Variants in ITPA observed in about 807,000 individuals in gnomAD.
ITPA encodes the protein inosine triphosphatase.
Under a neutral mutation model 29.6 loss-of-function variants are expected in ITPA, and 29 were observed. The observed-to-expected ratio is 0.98, with a 90% CI of 0.73 to 1.34. ITPA has a LOEUF of 1.34. Among genes scored for constraint, ITPA ranks in the 40% most tolerant of loss-of-function variants. The pLI is 0.00. For missense variants in ITPA, 241 were observed against 251.5 expected (o/e 0.96, Z 0.28); for synonymous variants, 103 against 99.3 (o/e 1.04, Z -0.22).
upstream of ITPA, chr20:3,209,431 C>A (rs1478019246): frequency 5.4e-6 from 5 of 919,378 alleles, no homozygotes; most frequent in Admixed American, 9.9e-5. The surrounding 1 kb of genome is among the most constrained non-coding windows in gnomAD (Gnocchi z 4.6). Context: ...GGGTCCGGGT[C>A]GGCTTTCCCC....
chr20:3,210,573 G>A (rs2067148186), intron 1 of ITPA, among the ~76,000 whole-genome samples: 1 of 152,144 alleles, frequency 6.6e-6, no homozygotes, highest in African/African-American at 2.4e-5. Flanking sequence ...GTAGTGTAGG[G>A]AGGGACTGAT....
At chr20:3,213,448 T>C in intron 3 of ITPA, 65 bp downstream of exon 3, 1 of 1,591,160 alleles carries the variant, frequency 6.3e-7, no homozygotes, top group Non-Finnish European at 8.6e-7. Flanking sequence ...GGCCTGCGCC[T>C]GCTAGAAACA....
upstream of ITPA, among the ~76,000 whole-genome samples, chr20:3,206,055 CA>C (rs537649838): frequency 4.3e-3 from 254 of 58,830 alleles, no homozygotes; most frequent in East Asian, 4.7e-3. Flanking sequence ...GACTCTGTCT[CA>C]AAAAAAAAAA....
At chr20:3,221,215 T>C (rs913551048) in intron 6 of ITPA, among the ~76,000 whole-genome samples, 7 of 129,946 alleles carry the variant, frequency 5.4e-5, no homozygotes, top group South Asian at 2.2e-4. Flanking sequence ...CTTTTCTTTC[T>C]TTTTTTTTTT....
rs1295569938 is a variant in ITPA, at chr20:3,218,506, C to T, written c.296-11C>T. On this transcript the variant is annotated splice_polypyrimidine_tract_variant and intron_variant, in intron 5 of 7. Transcript: ENST00000380113. ...TTAGGGATGCACTGAGCCCTCACTG[C>T]CCACCCGCAGGTCTCCACCAGCTCC... The T allele has an allele frequency of 4.4e-6, 7 of 1,602,388 alleles. No homozygotes were observed. The highest frequency in any genetic ancestry group is 6.0e-6 in the Non-Finnish European group (7 of 1,169,632).
At chr20:3,209,218 T>C (rs1568505574), upstream of ITPA, 1 of 412,014 alleles carries the variant, frequency 2.4e-6, no homozygotes, top group Non-Finnish European at 4.6e-6. This position sits in a 1 kb window ranked among gnomAD's most constrained non-coding sequence, Gnocchi z 4.6. Context: ...GCTGCAGTCT[T>C]CTCCTTTCGG....
chr20:3,218,206 C>T (rs1332682164), intron 5 of ITPA, among the ~76,000 whole-genome samples: 1 of 152,220 alleles, frequency 6.6e-6, no homozygotes, highest in Non-Finnish European at 1.5e-5. Context: ...GCATGAGCCA[C>T]CACGCCCGGC....
downstream of ITPA, among the ~76,000 whole-genome samples, chr20:3,225,791 G>A (rs1193140882): frequency 6.6e-6 from 1 of 152,218 alleles, no homozygotes; most frequent in African/African-American, 2.4e-5. Context: ...CACTTTGGGA[G>A]GCCAAGGCAG....
chr20:3,213,807 A>T (rs1184139633), intron 3 of ITPA, among the ~76,000 whole-genome samples, 178 bp from the exon 4 acceptor site: 1 of 152,180 alleles, frequency 6.6e-6, no homozygotes, highest in Non-Finnish European at 1.5e-5. Flanking sequence ...TGGTGTCCTC[A>T]TAAGATAAGA....
chr20:3,222,201 C>G (rs1406151915), intron 7 of ITPA, among the ~76,000 whole-genome samples: 1 of 150,570 alleles, frequency 6.6e-6, no homozygotes, highest in Non-Finnish European at 1.5e-5. Flanking sequence ...CTGGCCTTGG[C>G]TTGTAAGCTG....
rs1194698333 is a variant in ITPA at position 3,218,639 on chromosome 20, A to G, written c.411+7A>G. On this transcript the variant is annotated splice_region_variant and intron_variant, in intron 6 of 7. Transcript: ENST00000380113. ...GTTCAGGGGCCGGACCTCGGTGCGT[A>G]CCCACCTTGATGCAGTTCCCGCCGC... 6.2e-7 allele frequency: 1 copy of G among 1,603,174 alleles called. No individual in the cohort carries two copies. The highest frequency in any genetic ancestry group is 2.2e-5 in the East Asian group (1 of 44,788).
intron 3 of ITPA, 133 bp from the exon 4 acceptor site, chr20:3,213,852 C>T: frequency 2.2e-6 from 2 of 898,654 alleles, no homozygotes; most frequent in Non-Finnish European, 3.8e-6. Context: ...CCGAGGGCAG[C>T]TCCCATGGTG....
At chr20:3,211,767 C>T (rs919952959) in intron 1 of ITPA, among the ~76,000 whole-genome samples, 1 of 152,218 alleles carries the variant, frequency 6.6e-6, no homozygotes, top group Non-Finnish European at 1.5e-5. Context: ...TGTTAGATTA[C>T]ATGCGTGAGC....
chr20:3,218,678 G>T, intron 6 of ITPA, 46 bp downstream of exon 6: 4 of 1,485,812 alleles, frequency 2.7e-6, no homozygotes. Context: ...CCGCCAGGGG[G>T]TGCCGCGACC....
chr20:3,215,785 A>C (rs541973678), intron 5 of ITPA, among the ~76,000 whole-genome samples: 2 of 152,218 alleles, frequency 1.3e-5, no homozygotes, highest in South Asian at 4.1e-4. Flanking sequence ...TCTTGGGTTC[A>C]AGCGATTCTC....
chr20:3,224,567 G>C, downstream of ITPA, among the ~76,000 whole-genome samples: 1 of 152,216 alleles, frequency 6.6e-6, no homozygotes, highest in East Asian at 1.9e-4. Flanking sequence ...TTGCCTGCAA[G>C]CCCCGGCTGG....
intron 6 of ITPA, among the ~76,000 whole-genome samples, chr20:3,221,176 G>A (rs970933660): frequency 1.3e-5 from 2 of 151,322 alleles, no homozygotes; most frequent in African/African-American, 2.4e-5. Context: ...ACAGGCATGA[G>A]CCACCGCGCC....
In ITPA at chr20:3,213,380, C is replaced by G; in HGVS notation, c.186C>G (p.Arg62=). Reference sequence around the variant, plus strand: ...TACAGAAATGTCAGGAGGCAGTTCGCCAGGTGCTTGCCCTGCCCTTGTCCC... The same window carrying G: ...TACAGAAATGTCAGGAGGCAGTTCGGCAGGTGCTTGCCCTGCCCTTGTCCC... ...ISIQKCQEAV[R]QVQGPVLVED... Residue 62 remains arginine, a synonymous_variant, in exon 3 of 8, where the codon CGC becomes CGG. Transcript: ENST00000380113. 1 of 1,613,896 alleles carries G rather than the reference C, an allele frequency of 6.2e-7. No individual in the cohort carries two copies. The highest frequency in any genetic ancestry group is 8.5e-7 in the Non-Finnish European group (1 of 1,180,024).
chr20:3,207,864 G>A (rs2067090223), upstream of ITPA, among the ~76,000 whole-genome samples: 1 of 151,464 alleles, frequency 6.6e-6, no homozygotes, highest in East Asian at 1.9e-4. Flanking sequence ...GCGTCGTGGG[G>A]GGTGCTTGTA....
Sources: gnomAD v4.1 joint callset for allele counts (sites outside exome capture counted in the v4.1 genomes callset) on GRCh38, gnomAD v4.1.1 for gene constraint, Gnocchi (gnomAD v3.1) non-coding constraint, MANE v1.5 for transcripts, NCBI Gene and HGNC (gene_info 2026-07-23, HGNC 2026-07-21) for gene names.